PFKFB3: variants seen among roughly 807,000 people sequenced by gnomAD.
PFKFB3 encodes 6-phosphofructo-2-kinase/fructose-2,6-biphosphatase 3.
PFKFB3 carries 33 observed loss-of-function variants against 68.0 expected under a neutral mutation model. The observed-to-expected ratio is 0.49, with a 90% CI of 0.37 to 0.65. The LOEUF (loss-of-function observed/expected upper bound fraction) is 0.65. PFKFB3 is among the 30% of genes least tolerant of loss of function. The pLI, the probability that PFKFB3 is intolerant of heterozygous loss-of-function variation, is 0.00. For missense variants in PFKFB3, 586 were observed against 712.2 expected (o/e 0.82, Z 2.02); for synonymous variants, 315 against 288.2 (o/e 1.09, Z -0.94).
chr10:6,317,659 G>A, the PFKFB3 span, among the ~76,000 whole-genome samples: 2 of 152,164 alleles, frequency 1.3e-5, no homozygotes, highest in African/African-American at 2.4e-5. Flanking sequence ...AGATCCTAAG[G>A]TCTAGGATTC....
At chr10:6,244,143 A>C (rs1255128575) in intron 14 of PFKFB3, among the ~76,000 whole-genome samples, 1 of 152,198 alleles carries the variant, frequency 6.6e-6, no homozygotes, top group African/African-American at 2.4e-5. Context: ...GGTGTGAGCC[A>C]CTGCACCTGA....
the PFKFB3 span, among the ~76,000 whole-genome samples, chr10:6,260,074 T>G: frequency 6.6e-6 from 1 of 152,006 alleles, no homozygotes; most frequent in Non-Finnish European, 1.5e-5. Context: ...TAAAGTATGG[T>G]TCTATAATTT....
intron 10 of PFKFB3, 145 bp downstream of exon 10, chr10:6,221,890 C>T (rs1044360991): frequency 6.5e-6 from 4 of 613,712 alleles, no homozygotes; most frequent in African/African-American, 1.8e-5. Flanking sequence ...TCCCCCCAAA[C>T]TGAACCTTCT....
At chr10:6,236,070 C>T (rs556420810), downstream of PFKFB3, among the ~76,000 whole-genome samples, 10 of 152,246 alleles carry the variant, frequency 6.6e-5, no homozygotes, top group Admixed American at 2.6e-4. Context: ...CCTGGCCCCA[C>T]GTCGGTTTTA....
chr10:6,167,646 C>T (rs1588410059), intron 1 of PFKFB3, among the ~76,000 whole-genome samples: 1 of 152,262 alleles, frequency 6.6e-6, no homozygotes, highest in African/African-American at 2.4e-5. Context: ...CAGAAAATAC[C>T]AGCCAAACCC....
the PFKFB3 span, among the ~76,000 whole-genome samples, chr10:6,291,993 G>T: frequency 9.4e-6 from 1 of 105,982 alleles, no homozygotes; most frequent in Admixed American, 1.4e-4. Context: ...TCACTCTGTT[G>T]CTTAGGCTGG....
chr10:6,216,420 G>C (rs1451474847), intron 4 of PFKFB3, among the ~76,000 whole-genome samples: 1 of 151,890 alleles, frequency 6.6e-6, no homozygotes, highest in Non-Finnish European at 1.5e-5. Flanking sequence ...GTTACCCACA[G>C]GACCACTGGC....
intron 1 of PFKFB3, among the ~76,000 whole-genome samples, chr10:6,162,985 G>T (rs780023107): frequency 1.3e-5 from 2 of 152,136 alleles, no homozygotes; most frequent in Non-Finnish European, 2.9e-5. Flanking sequence ...AAATTCAAAC[G>T]GATCAGTTAT....
the PFKFB3 span, among the ~76,000 whole-genome samples, chr10:6,318,032 C>T: frequency 6.6e-6 from 1 of 152,204 alleles, no homozygotes; most frequent in African/African-American, 2.4e-5. Context: ...GAAAACTATA[C>T]ATACATAACC....
the PFKFB3 span, among the ~76,000 whole-genome samples, chr10:6,262,199 A>T: frequency 3.3e-5 from 5 of 152,196 alleles, no homozygotes; most frequent in South Asian, 2.1e-4. Context: ...TCACGCCTGT[A>T]GTCCCAGCAG....
At chr10:6,284,681 C>G in the PFKFB3 span, among the ~76,000 whole-genome samples, 3 of 152,208 alleles carry the variant, frequency 2.0e-5, no homozygotes. Context: ...TCACCACTGT[C>G]CATTCCCAGA....
rs1844515186 is a variant in PFKFB3 at position 6,215,470 on chromosome 10, C to A, written c.299+153C>A. Among the ~76,000 whole-genome samples, 1 of 151,594 alleles carries A rather than the reference C, an allele frequency of 6.6e-6. No homozygotes were observed. Among genetic ancestry groups the A allele is most frequent in the African/African-American group, 2.4e-5 (1 of 41,276 alleles). ...GCGGGGCTGCGGGTGTAAGGCTGGG[C>A]TGCGGGCTTGGGCTTGCTTTGTTCT... On this transcript the variant is annotated intron_variant, in intron 3 of 14. Transcript: ENST00000379775. The surrounding 1 kb of genome is among the most constrained non-coding windows in gnomAD (Gnocchi z 4.3).
intron 14 of PFKFB3, among the ~76,000 whole-genome samples, chr10:6,247,396 A>T (rs1162929420): frequency 6.9e-6 from 1 of 145,568 alleles, no homozygotes; most frequent in Non-Finnish European, 1.5e-5. Context: ...GACTCTAACA[A>T]TTAGCCTTCT....
At chr10:6,307,510 T>TTTCCTTCC in the PFKFB3 span, among the ~76,000 whole-genome samples, 5,639 of 116,102 alleles carry the variant, frequency 0.049, 190 homozygotes, top group Middle Eastern at 0.074. Context: ...TCCTTCTCTT[T>TTTCCTTCC]TTCCTTCCTT....
upstream of PFKFB3, among the ~76,000 whole-genome samples, chr10:6,200,891 C>G (rs1157541810): frequency 6.6e-6 from 1 of 152,208 alleles, no homozygotes; most frequent in Non-Finnish European, 1.5e-5. Flanking sequence ...GATGCGTTAT[C>G]TAGGTCAAGA....
At chr10:6,210,206 A>T (rs1844078612) in intron 1 of PFKFB3, among the ~76,000 whole-genome samples, 1 of 120,068 alleles carries the variant, frequency 8.3e-6, no homozygotes, top group South Asian at 3.1e-4. Context: ...GTGAGTTTTT[A>T]AAAGGGGCTG....
At chr10:6,205,388 C>CTTTTT (rs3084014) in intron 1 of PFKFB3, among the ~76,000 whole-genome samples, 79 of 106,506 alleles carry the variant, frequency 7.4e-4, no homozygotes, top group African/African-American at 8.5e-4. Context: ...TTCTTTCTTC[C>CTTTTT]TTTTTTTTTT....
intron 1 of PFKFB3, among the ~76,000 whole-genome samples, chr10:6,178,155 C>T (rs1842587464): frequency 6.6e-6 from 1 of 152,190 alleles, no homozygotes; most frequent in African/African-American, 2.4e-5. Context: ...GCCCGGTGAC[C>T]TTGGGCTGTG....
At chr10:6,260,192 T>A in the PFKFB3 span, among the ~76,000 whole-genome samples, 1 of 152,152 alleles carries the variant, frequency 6.6e-6, no homozygotes, top group Admixed American at 6.5e-5. Context: ...GGCAGGTGGA[T>A]CACGAGGTCA....
Sources: gnomAD v4.1 joint callset for allele counts (sites outside exome capture counted in the v4.1 genomes callset) on GRCh38, gnomAD v4.1.1 for gene constraint, Gnocchi (gnomAD v3.1) non-coding constraint, MANE v1.5 for transcripts, NCBI Gene and HGNC (gene_info 2026-07-23, HGNC 2026-07-21) for gene names.